SGCZ: variants seen among roughly 807,000 people sequenced by gnomAD.
The protein encoded by SGCZ is zeta-sarcoglycan.
In SGCZ, 40 loss-of-function variants were observed where a neutral mutation model predicts 41.3. That is an observed-to-expected ratio of 0.97 (90% CI 0.75 to 1.26). The LOEUF (loss-of-function observed/expected upper bound fraction) is 1.26, where lower values mean the gene tolerates loss of function less well. Ranked by LOEUF, SGCZ falls within the 50% of genes most tolerant of loss-of-function variation. The probability of loss-of-function intolerance (pLI) is 0.00; values close to 1 mark genes in which losing one functional copy is unlikely to be tolerated. For synonymous variants in SGCZ, 206 were observed against 137.5 expected (o/e 1.50, Z -3.49); for missense variants, 552 against 369.8 (o/e 1.49, Z -4.04).
chr8:14,782,546 C>T (rs759392276), intron 1 of SGCZ, among the ~76,000 whole-genome samples: 3 of 152,068 alleles, frequency 2.0e-5, no homozygotes, highest in Admixed American at 6.5e-5. Flanking sequence ...CAGATACAAA[C>T]GAATTAACCA....
At chr8:14,369,786 T>C (rs768809036) in intron 2 of SGCZ, among the ~76,000 whole-genome samples, 2 of 152,010 alleles carry the variant, frequency 1.3e-5, no homozygotes, top group Non-Finnish European at 2.9e-5. Context: ...CTCTTACTGC[T>C]TAAATTGCCC....
chr8:14,555,257 T>C (rs948130604), intron 1 of SGCZ, among the ~76,000 whole-genome samples: 7 of 152,144 alleles, frequency 4.6e-5, no homozygotes, highest in Non-Finnish European at 7.4e-5. Context: ...TCTACTCATG[T>C]CCAAGTGATA....
At chr8:15,139,821 T>G (rs1470532681) in intron 1 of SGCZ, among the ~76,000 whole-genome samples, 1 of 152,152 alleles carries the variant, frequency 6.6e-6, no homozygotes, top group Non-Finnish European at 1.5e-5. Flanking sequence ...TATTTTTAAT[T>G]ATTAGTGATA....
intron 1 of SGCZ, among the ~76,000 whole-genome samples, chr8:14,746,189 A>G (rs1239683732): frequency 5.3e-5 from 8 of 152,136 alleles, no homozygotes. Context: ...ATTCAAACGT[A>G]GAGATTTAAA....
chr8:14,452,148 A>G (rs1257255144), intron 2 of SGCZ, among the ~76,000 whole-genome samples: 1 of 152,216 alleles, frequency 6.6e-6, no homozygotes, highest in Admixed American at 6.5e-5. Context: ...TCAACACTAA[A>G]AAGAAATAAG....
At chr8:14,469,127 CT>C (rs1801137731) in intron 2 of SGCZ, among the ~76,000 whole-genome samples, 1 of 152,034 alleles carries the variant, frequency 6.6e-6, no homozygotes, top group Admixed American at 6.6e-5. Context: ...TACCCCTCCA[CT>C]TTTTGCTTCA....
chr8:14,879,815 T>C (rs1804515762), intron 1 of SGCZ: 4 of 151,466 alleles, frequency 2.6e-5, no homozygotes, highest in Admixed American at 2.6e-4. Flanking sequence ...AAAAAAAAAG[T>C]TGGGTTTTTG....
chr8:14,365,882 T>C (rs1803688221), intron 2 of SGCZ, among the ~76,000 whole-genome samples: 1 of 152,150 alleles, frequency 6.6e-6, no homozygotes, highest in South Asian at 2.1e-4. Context: ...TGATACCTGA[T>C]ACTGCTGTTC....
chr8:14,145,299 T>G (rs1414718579), intron 5 of SGCZ, among the ~76,000 whole-genome samples: 1 of 152,142 alleles, frequency 6.6e-6, no homozygotes, highest in Non-Finnish European at 1.5e-5. Context: ...GAGAATTCTC[T>G]CAGATCTTGT....
At chr8:14,497,558 G>C (rs1390000810) in intron 2 of SGCZ, among the ~76,000 whole-genome samples, 3 of 143,504 alleles carry the variant, frequency 2.1e-5, no homozygotes, top group African/African-American at 7.4e-5. Context: ...TTGTGTGTGC[G>C]TATGTGTGTG....
intron 2 of SGCZ, among the ~76,000 whole-genome samples, chr8:14,375,106 A>T (rs1448372784): frequency 6.9e-6 from 1 of 145,898 alleles, no homozygotes; most frequent in Non-Finnish European, 1.5e-5. Flanking sequence ...AATCAGATAG[A>T]TAGATAGACA....
At position 14,369,126 on chromosome 8, in the gene SGCZ, A is replaced by C. The variant is rs561652063; in HGVS notation, c.235-44922T>G. ...TATGAAAATTGGGAAATTAACACCT[A>C]TAGTGATATTATATAATGTACAAAT... On this transcript the variant is annotated intron_variant, in intron 2 of 7. Transcript: ENST00000382080. Among the ~76,000 whole-genome samples, 5 of 152,014 alleles carry C rather than the reference A, an allele frequency of 3.3e-5. No individual in the cohort carries two copies. The South Asian group carries it at 8.3e-4, about 25-fold the overall frequency.
At chr8:14,122,253 T>C (rs34073666) in intron 5 of SGCZ, among the ~76,000 whole-genome samples, 3,685 of 152,198 alleles carry the variant, frequency 0.024, 71 homozygotes, top group Non-Finnish European at 0.036. Flanking sequence ...CTCGGCAGCC[T>C]GGGAGACAGA....
chr8:14,353,454 A>G (rs192066311), intron 2 of SGCZ, among the ~76,000 whole-genome samples: 24 of 151,974 alleles, frequency 1.6e-4, no homozygotes, highest in African/African-American at 2.7e-4. Flanking sequence ...ACTATTTTCA[A>G]CTATCCACTG....
At chr8:14,833,186 A>C (rs79433806) in intron 1 of SGCZ, among the ~76,000 whole-genome samples, 2,505 of 152,252 alleles carry the variant, frequency 0.016, 74 homozygotes, top group African/African-American at 0.057. Context: ...AATGTGAATT[A>C]ATATGCCAAA....
At chr8:14,898,600 G>T (rs1805289885) in intron 1 of SGCZ, among the ~76,000 whole-genome samples, 1 of 152,142 alleles carries the variant, frequency 6.6e-6, no homozygotes, top group Non-Finnish European at 1.5e-5. Flanking sequence ...TTGGGTGACA[G>T]GAATAGAAGT....
At chr8:14,370,936 T>G (rs1363153223) in intron 2 of SGCZ, among the ~76,000 whole-genome samples, 2 of 151,994 alleles carry the variant, frequency 1.3e-5, no homozygotes, top group Non-Finnish European at 2.9e-5. Context: ...ACAGTGCATG[T>G]CTAAATATTT....
Position 14,279,838 on chromosome 8 carries a change from A to G in SGCZ, c.337-42159T>C, listed in dbSNP as rs551101357. Reference sequence around the variant, plus strand: ...TCTGGATCCTCATGCTTCATGCTCCATTTTTTTTTTCTAATTTAGTCCTTA... The same window carrying G: ...TCTGGATCCTCATGCTTCATGCTCCGTTTTTTTTTTCTAATTTAGTCCTTA... On this transcript the variant is annotated intron_variant, in intron 3 of 7. Transcript: ENST00000382080. Among the ~76,000 whole-genome samples, 13 of 149,920 alleles carry G rather than the reference A, an allele frequency of 8.7e-5. No homozygotes were observed. In the East Asian group the frequency reaches 2.3e-3, roughly 27 times the overall value.
intron 5 of SGCZ, among the ~76,000 whole-genome samples, chr8:14,114,946 GA>G (rs1802479494): frequency 6.6e-6 from 1 of 151,790 alleles, no homozygotes. Flanking sequence ...GAATTAAAAA[GA>G]AAATAAATTA....
Sources: allele counts gnomAD v4.1 joint callset (sites outside exome capture counted in the v4.1 genomes callset), GRCh38; gene constraint gnomAD v4.1.1; transcripts MANE v1.5; gene names NCBI Gene and HGNC (gene_info 2026-07-23, HGNC 2026-07-21).